TRMT11: variants seen among roughly 807,000 people sequenced by gnomAD.
The protein encoded by TRMT11 is tRNA methyltransferase 11.
In TRMT11, 53 loss-of-function variants were observed where a neutral mutation model predicts 62.8. The ratio of observed to expected loss-of-function variants is 0.84; its 90% CI spans 0.68 to 1.06. The LOEUF is 1.06. Among genes scored for constraint, TRMT11 ranks in the 50% least tolerant of loss-of-function variants. The pLI, the probability that TRMT11 is intolerant of heterozygous loss-of-function variation, is 0.00. For synonymous variants in TRMT11, 188 were observed against 190.3 expected, an observed-to-expected ratio of 0.99 and a Z score of 0.10; for missense variants, 556 against 553.4, an observed-to-expected ratio of 1.00 and a Z score of -0.05.
chr6:126,126,411 C>T (rs990943665), intron 21 of TRMT11, among the ~76,000 whole-genome samples: 2 of 152,074 alleles, frequency 1.3e-5, no homozygotes, highest in Non-Finnish European at 2.9e-5. Flanking sequence ...CTAGCTTTGA[C>T]CTTCTTAGAT....
chr6:126,202,388 C>G (rs1211874317), downstream of TRMT11: 1 of 152,172 alleles, frequency 6.6e-6, no homozygotes, highest in Non-Finnish European at 1.5e-5. Context: ...CATCCAGTTT[C>G]TAAGGCTTGC....
the TRMT11 span, among the ~76,000 whole-genome samples, chr6:126,270,070 G>A: frequency 6.6e-6 from 1 of 152,088 alleles, no homozygotes; most frequent in Non-Finnish European, 1.5e-5. Context: ...TACCTGGAAT[G>A]GAATACAAGC....
At chr6:126,197,676 C>T (rs1435355144) in intron 1 of TRMT11, among the ~76,000 whole-genome samples, 1 of 152,122 alleles carries the variant, frequency 6.6e-6, no homozygotes, top group Non-Finnish European at 1.5e-5. Context: ...TCCTTTCCTT[C>T]CACATAAATC....
At chr6:126,020,660 A>G (rs915081523) in intron 11 of TRMT11, among the ~76,000 whole-genome samples, 1 of 152,246 alleles carries the variant, frequency 6.6e-6, no homozygotes, top group Non-Finnish European at 1.5e-5. Flanking sequence ...TACAAACGTA[A>G]TAGAGATGTT....
At chr6:126,047,130 T>C (rs908911401) in intron 16 of TRMT11, among the ~76,000 whole-genome samples, 1 of 151,846 alleles carries the variant, frequency 6.6e-6, no homozygotes, top group East Asian at 2.0e-4. Flanking sequence ...ACTACTGATA[T>C]GGACAGGAGG....
At chr6:126,267,443 A>G in the TRMT11 span, among the ~76,000 whole-genome samples, 3,428 of 152,216 alleles carry the variant, frequency 0.023, 59 homozygotes, top group Non-Finnish European at 0.033. Flanking sequence ...TCAATCTCTC[A>G]TAGTCTTTGT....
At chr6:126,027,113 T>A (rs1442955203) in intron 12 of TRMT11, among the ~76,000 whole-genome samples, 1 of 152,182 alleles carries the variant, frequency 6.6e-6, no homozygotes, top group East Asian at 1.9e-4. Context: ...GCCGTTTGTT[T>A]TACTAGATCT....
At position 126,151,854 on chromosome 6, in the gene TRMT11, CTTTCTTTCT is replaced by C. The variant is rs1554242259; in HGVS notation, c.*1824-22968_*1824-22960del. 4.0e-5 allele frequency among the ~76,000 whole-genome samples: 5 copies of C among 125,598 alleles called. No homozygotes were observed. The East Asian group carries it at 9.0e-4, about 23-fold the overall frequency. 82.4% of individuals were successfully genotyped at this position (125,598 alleles called of 152,430 possible). A position where few individuals can be genotyped will look rare whatever the true frequency, so the allele number is the denominator to read the frequency against. On this transcript the variant is annotated intron_variant and NMD_transcript_variant, in intron 21 of 22. Coordinates refer to the TRMT11 transcript ENST00000648977. ...TCTTTCTTTCTTTCTTTCTTTCTTTCTTTCTTTCTTTCCTTCTTTCTCCTTCCTTCCTTG... is the reference window on the plus strand; with the variant it reads ...TCTTTCTTTCTTTCTTTCTTTCTTTCTTCCTTCTTTCTCCTTCCTTCCTTG...
the TRMT11 span, among the ~76,000 whole-genome samples, chr6:126,225,105 A>C: frequency 1.7e-3 from 258 of 152,300 alleles, 2 homozygotes; most frequent in African/African-American, 5.9e-3. Flanking sequence ...CAGTCAACAA[A>C]GCCAAAGCTA....
chr6:126,185,945 A>G (rs964951610), intron 1 of TRMT11, among the ~76,000 whole-genome samples: 16 of 152,126 alleles, frequency 1.1e-4, no homozygotes, highest in African/African-American at 3.1e-4. Flanking sequence ...CTATGATCCA[A>G]TCATTTCCTG....
intron 6 of TRMT11, among the ~76,000 whole-genome samples, chr6:125,998,889 A>G (rs1562243417): frequency 6.6e-6 from 1 of 151,812 alleles, no homozygotes; most frequent in Non-Finnish European, 1.5e-5. Context: ...CTTGTTAGAT[A>G]TAGGGAGGAG....
intron 12 of TRMT11, among the ~76,000 whole-genome samples, chr6:126,034,608 CAT>C (rs1393219565): frequency 6.6e-6 from 1 of 152,040 alleles, no homozygotes; most frequent in African/African-American, 2.4e-5. Context: ...TTTTTATCAC[CAT>C]AGTCTTCTCT....
the TRMT11 span, among the ~76,000 whole-genome samples, chr6:126,237,585 G>A: frequency 4.6e-5 from 7 of 152,198 alleles, no homozygotes; most frequent in African/African-American, 1.4e-4. Flanking sequence ...GGAGGCTGAG[G>A]GGGGAGGATC....
At chr6:126,114,423 C>A (rs1175745496) in intron 18 of TRMT11, among the ~76,000 whole-genome samples, 2 of 152,042 alleles carry the variant, frequency 1.3e-5, no homozygotes, top group Non-Finnish European at 2.9e-5. Context: ...GGGGTGACAG[C>A]TGTGTGCTGA....
At position 126,085,178 on chromosome 6, in the gene TRMT11, C is replaced by T. The variant is rs529641146; in HGVS notation, c.*1438-27688C>T. 6.6e-5 allele frequency among the ~76,000 whole-genome samples: 10 copies of T among 152,274 alleles called. No homozygotes were observed. In the South Asian group the frequency reaches 1.5e-3, roughly 22 times the overall value. On this transcript the variant is annotated intron_variant and NMD_transcript_variant, in intron 17 of 22. Coordinates refer to the TRMT11 transcript ENST00000648977. ...TTCCCAGTGTACACAAATATCAAAA[C>T]ATCATGTTGTACACCTTGAACATAT...
At chr6:126,012,892 A>G in intron 10 of TRMT11, 40 bp downstream of exon 10, 2 of 1,609,500 alleles carry the variant, frequency 1.2e-6, no homozygotes, top group Non-Finnish European at 1.7e-6. Flanking sequence ...TACCTTGAGA[A>G]GAGGCATGTG....
chr6:126,052,845 G>C (rs1776257647), intron 16 of TRMT11, among the ~76,000 whole-genome samples: 1 of 152,214 alleles, frequency 6.6e-6, no homozygotes, highest in Non-Finnish European at 1.5e-5. Context: ...CTGAAAACAG[G>C]AGAACCATGT....
the TRMT11 span, among the ~76,000 whole-genome samples, chr6:126,246,171 C>T: frequency 4.6e-5 from 7 of 152,002 alleles, no homozygotes; most frequent in Non-Finnish European, 8.8e-5. Context: ...AGCTTGACCC[C>T]AGGAGATCGA....
At chr6:126,262,330 G>A in the TRMT11 span, among the ~76,000 whole-genome samples, 1 of 152,212 alleles carries the variant, frequency 6.6e-6, no homozygotes, top group Non-Finnish European at 1.5e-5. Flanking sequence ...TGAGCTAGCT[G>A]CATGGTAGTA....
Sources: gnomAD v4.1 joint callset for allele counts (sites outside exome capture counted in the v4.1 genomes callset) on GRCh38, gnomAD v4.1.1 for gene constraint, MANE v1.5 for transcripts, NCBI Gene and HGNC (gene_info 2026-07-23, HGNC 2026-07-21) for gene names.